The following JMJD1C variants were observed in gnomAD, a reference collection of about 807,000 sequenced individuals.
JMJD1C encodes the protein jumonji domain containing 1C, also known as jumonji domain-containing protein 1C.
JMJD1C carries 31 observed loss-of-function variants against 245.3 expected under a neutral mutation model. The ratio of observed to expected loss-of-function variants is 0.13; its 90% CI spans 0.09 to 0.17. The LOEUF is 0.17. Among genes scored for constraint, JMJD1C ranks in the 10% least tolerant of loss-of-function variants. The pLI, the probability that JMJD1C is intolerant of heterozygous loss-of-function variation, is 1.00. For synonymous variants in JMJD1C, 1,057 were observed against 1,017.4 expected, an observed-to-expected ratio of 1.04 and a Z score of -0.74; for missense variants, 2,691 against 3,000.2, an observed-to-expected ratio of 0.90 and a Z score of 2.41.
intron 1 of JMJD1C, among the ~76,000 whole-genome samples, chr10:63,471,189 A>G (rs1038756147): frequency 3.3e-5 from 5 of 152,220 alleles, no homozygotes; most frequent in Non-Finnish European, 7.3e-5. Flanking sequence ...AGCTTTCACT[A>G]TTGTTACAAG....
Position 63,232,196 on chromosome 10 carries a change from T to C in JMJD1C, c.448-12213A>G, listed in dbSNP as rs568905333. On this transcript the variant is annotated intron_variant, in intron 3 of 25. Transcript: ENST00000399262. ...TTCTTCTAAAGTTTTTTTTTTGTCA[T>C]AGTCTTAACAATCATCTTCTCAATA... Among the ~76,000 whole-genome samples the C allele has an allele frequency of 3.3e-5, 5 of 152,232 alleles. No individual in the cohort carries two copies. The East Asian group carries it at 9.6e-4, about 29-fold the overall frequency.
intron 1 of JMJD1C, among the ~76,000 whole-genome samples, chr10:63,512,388 C>T (rs1044863009): frequency 1.5e-4 from 23 of 152,032 alleles, no homozygotes; most frequent in African/African-American, 5.3e-4. Context: ...ATCGGATTTG[C>T]AACAAATTCC....
chr10:63,188,201 T>C (rs1196395950), intron 18 of JMJD1C, among the ~76,000 whole-genome samples: 3 of 152,222 alleles, frequency 2.0e-5, no homozygotes, highest in Admixed American at 2.0e-4. Flanking sequence ...AAAACAATTA[T>C]TTGTGTGACG....
At position 63,379,942 on chromosome 10, in the gene JMJD1C, C is replaced by CT. The variant is rs575990228; in HGVS notation, c.333+375dup. On this transcript the variant is annotated intron_variant, in intron 2 of 25. Transcript: ENST00000399262. Reference sequence around the variant, plus strand: ...TCTTAGTCTTAAATTTTCATTTATTCTTTTTTTTTTTGTTAAGAGATGGGG... The same window carrying CT: ...TCTTAGTCTTAAATTTTCATTTATTCTTTTTTTTTTTTGTTAAGAGATGGGG... Among the ~76,000 whole-genome samples, 1,255 of 145,738 alleles carry CT rather than the reference C, an allele frequency of 8.6e-3. 4 individuals are homozygous for CT. Among genetic ancestry groups the CT allele is most frequent in the Middle Eastern group, 0.045 (13 of 286 alleles).
chr10:63,482,747 T>A (rs1564962545), intron 1 of JMJD1C, among the ~76,000 whole-genome samples: 1 of 152,104 alleles, frequency 6.6e-6, no homozygotes, highest in Admixed American at 6.6e-5. Flanking sequence ...AATCACTTGA[T>A]CTCTCTGTGC....
chr10:63,284,836 C>T (rs904660078), intron 2 of JMJD1C, among the ~76,000 whole-genome samples: 5 of 146,754 alleles, frequency 3.4e-5, no homozygotes, highest in African/African-American at 1.3e-4. Flanking sequence ...GCACAAGATG[C>T]CATTCCCTGG....
chr10:63,506,961 C>T (rs1204826647), intron 1 of JMJD1C, among the ~76,000 whole-genome samples: 1 of 152,162 alleles, frequency 6.6e-6, no homozygotes, highest in Non-Finnish European at 1.5e-5. Context: ...AATGGCTAAT[C>T]TTTTTACAGT....
chr10:63,474,400 G>A (rs1589811126), intron 1 of JMJD1C, among the ~76,000 whole-genome samples: 1 of 152,022 alleles, frequency 6.6e-6, no homozygotes, highest in East Asian at 1.9e-4. Context: ...GAATCCTGAA[G>A]AAAATTTATC....
At chr10:63,465,141 C>T (rs979785870) in intron 1 of JMJD1C, 15 of 314,462 alleles carry the variant, frequency 4.8e-5, no homozygotes, top group Non-Finnish European at 3.5e-5. Flanking sequence ...CCGCCCCCTA[C>T]CCCCACCTGC....
intron 2 of JMJD1C, among the ~76,000 whole-genome samples, chr10:63,336,037 C>T (rs187160129): frequency 5.3e-5 from 8 of 152,180 alleles, no homozygotes; most frequent in African/African-American, 1.9e-4. Flanking sequence ...AGGAGAATCA[C>T]TTAAACCTCG....
intron 14 of JMJD1C, 141 bp downstream of exon 14, chr10:63,194,145 G>A: frequency 3.2e-6 from 2 of 624,706 alleles, no homozygotes; most frequent in Admixed American, 2.5e-5. Flanking sequence ...ATTACATAGA[G>A]GATTTCCAAT....
intron 2 of JMJD1C, among the ~76,000 whole-genome samples, chr10:63,333,518 G>C (rs1415010661): frequency 1.3e-5 from 2 of 151,972 alleles, no homozygotes; most frequent in African/African-American, 4.8e-5. Context: ...GGACAATAAA[G>C]TGAGACCCTA....
intron 2 of JMJD1C, among the ~76,000 whole-genome samples, chr10:63,322,825 T>C (rs867020837): frequency 2.6e-4 from 33 of 128,128 alleles, no homozygotes; most frequent in African/African-American, 1.0e-3. Context: ...AAAAAAAAAC[T>C]TTTTTTTTTT....
rs10637662 is a variant in JMJD1C, at chr10:63,362,235, TA to T, written c.333+18082del. 2.4e-3 allele frequency among the ~76,000 whole-genome samples: 318 copies of T among 131,136 alleles called. 1 individual carries two copies. Among genetic ancestry groups the T allele is most frequent in the African/African-American group, 3.6e-3 (123 of 34,166 alleles). 86.0% of individuals were successfully genotyped at this position (131,136 alleles called of 152,430 possible). A position where few individuals can be genotyped will look rare whatever the true frequency, so the allele number is the denominator to read the frequency against. On this transcript the variant is annotated intron_variant, in intron 2 of 25. Transcript: ENST00000399262. Reference sequence around the variant, plus strand: ...GCGCAACAGAGTGAGACTGCATCTCTAAAAAAAAAAAAAAAAATCACTAGTT... The same window carrying T: ...GCGCAACAGAGTGAGACTGCATCTCTAAAAAAAAAAAAAAAATCACTAGTT...
At chr10:63,505,382 C>A (rs1170212426) in intron 1 of JMJD1C, among the ~76,000 whole-genome samples, 2 of 149,552 alleles carry the variant, frequency 1.3e-5, no homozygotes, top group African/African-American at 2.5e-5. Flanking sequence ...CTCCTTAGAA[C>A]CAGACATAAA....
chr10:63,189,323 G>A lies in JMJD1C; in HGVS notation c.6415C>T (p.Pro2139Ser), dbSNP rs768224834. ...INVKPELKEE[P>S]EESIISAVDE... ...ACTGCAGATATTATGCTTTCTTCAG[G>A]CTCTTCTTTAAGCTCTGGTTTTACA... Residue 2139 changes from proline (P) to serine (S), a missense_variant, in exon 18 of 26, where the codon CCT (proline) becomes TCT (serine). Pro to Ser is a moderately conservative substitution (Grantham distance 74, BLOSUM62 -1). Around this residue, in one of 9 missense-constraint regions of JMJD1C, gnomAD observed 275 missense variants for 285.5 expected, o/e 0.96. Transcript: ENST00000399262. 1 of 1,613,602 alleles carries A rather than the reference G, an allele frequency of 6.2e-7. No homozygotes were observed. The highest frequency in any genetic ancestry group is 8.5e-7 in the Non-Finnish European group (1 of 1,179,840).
At chr10:63,182,918 ATGGCACTATCT>A (rs1843666028) in intron 22 of JMJD1C, among the ~76,000 whole-genome samples, 1 of 151,930 alleles carries the variant, frequency 6.6e-6, no homozygotes, top group Non-Finnish European at 1.5e-5. Context: ...CTGGAGTGCA[ATGGCACTATCT>A]TGGCTCACCG....
chr10:63,455,397 C>T (rs1249334470), intron 1 of JMJD1C, among the ~76,000 whole-genome samples: 1 of 152,174 alleles, frequency 6.6e-6, no homozygotes. Flanking sequence ...AAAAGGTTGA[C>T]AATCATGAAC....
chr10:63,221,669 T>C (rs1848611081), intron 3 of JMJD1C, among the ~76,000 whole-genome samples: 1 of 152,180 alleles, frequency 6.6e-6, no homozygotes, highest in South Asian at 2.1e-4. Flanking sequence ...TCTAACCCCC[T>C]TAATGCACAC....
Sources: allele counts gnomAD v4.1 joint callset (sites outside exome capture counted in the v4.1 genomes callset), GRCh38; gene constraint gnomAD v4.1.1; regional missense constraint gnomAD v4.1.1; transcripts MANE v1.5; gene names NCBI Gene and HGNC (gene_info 2026-07-23, HGNC 2026-07-21).